The following RBM25 variants were observed in gnomAD, a reference collection of about 807,000 sequenced individuals.
The protein encoded by RBM25 is RNA binding motif protein 25.
A neutral mutation model predicts 120.7 loss-of-function variants in RBM25; 19 were observed. The ratio of observed to expected loss-of-function variants is 0.16; its 90% CI spans 0.11 to 0.23. The LOEUF is 0.23. Ranked by LOEUF, RBM25 falls within the 10% of genes least tolerant of loss-of-function variation. The pLI is 1.00. For synonymous variants in RBM25, 390 were observed against 326.7 expected (o/e 1.19, Z -2.09); for missense variants, 605 against 1,041.5 (o/e 0.58, Z 5.77).
chr14:73,103,038 C>T, intron 9 of RBM25, 154 bp from the exon 10 acceptor site: 3 of 1,450,764 alleles, frequency 2.1e-6, no homozygotes, highest in Non-Finnish European at 2.8e-6. Flanking sequence ...CTTGTGATTG[C>T]TTCAGTTTAA....
intron 17 of RBM25, among the ~76,000 whole-genome samples, 163 bp from the exon 18 acceptor site, chr14:73,114,123 C>CT (rs2140465011): frequency 6.6e-6 from 1 of 151,668 alleles, no homozygotes; most frequent in South Asian, 2.1e-4. Context: ...TTTGGTGCCT[C>CT]TTTCGTTGAA....
At chr14:73,084,291 A>AT (rs375252850) in intron 5 of RBM25, among the ~76,000 whole-genome samples, 42 of 151,942 alleles carry the variant, frequency 2.8e-4, no homozygotes, top group East Asian at 1.9e-4. Flanking sequence ...AAGTCTCCTA[A>AT]TTTTTTTTAT....
At chr14:73,102,584 C>T (rs1175157190) in intron 9 of RBM25, 1 of 152,276 alleles carries the variant, frequency 6.6e-6, no homozygotes, top group East Asian at 1.9e-4. Context: ...GATTTTCAAA[C>T]TTTTTGTATT....
chr14:73,086,240 C>A (rs1895682435), intron 5 of RBM25, among the ~76,000 whole-genome samples: 1 of 151,674 alleles, frequency 6.6e-6, no homozygotes, highest in Non-Finnish European at 1.5e-5. Flanking sequence ...GAGATCAAGA[C>A]CATCCTGGCC....
At chr14:73,078,068 C>T (rs1283454063) in intron 4 of RBM25, among the ~76,000 whole-genome samples, 1 of 152,058 alleles carries the variant, frequency 6.6e-6, no homozygotes, top group African/African-American at 2.4e-5. Flanking sequence ...TTCAGGAGGC[C>T]GAGGTGGGCA....
At chr14:73,106,406 A>G (rs1594930819) in intron 12 of RBM25, 121 bp downstream of exon 12, 2 of 808,478 alleles carry the variant, frequency 2.5e-6, no homozygotes, top group East Asian at 6.3e-5. Context: ...GTATAATTTA[A>G]TTTTTATGTA....
At position 73,114,235 on chromosome 14, in the gene RBM25, A is replaced by G. The variant is rs531958525; in HGVS notation, c.2392-51A>G. ...TCATACCTTAAAATTTCTTGACTGT[A>G]TTGTTAATTTTTTATTTATTTTTAA... is the stretch of plus-strand genomic sequence containing the variant. On this transcript the variant is annotated intron_variant, in intron 17 of 18. Transcript: ENST00000261973. 4.4e-5 allele frequency: 57 copies of G among 1,309,044 alleles called. 2 individuals are homozygous for G. In the South Asian group the frequency reaches 7.6e-4, roughly 18 times the overall value. 81.1% of individuals were successfully genotyped at this position (1,309,044 alleles called of 1,614,324 possible).
chr14:73,059,649 AAAT>A (rs1894953313), intron 1 of RBM25, among the ~76,000 whole-genome samples: 1 of 152,210 alleles, frequency 6.6e-6, no homozygotes, highest in Non-Finnish European at 1.5e-5. Context: ...AGTAATGTAT[AAAT>A]AATTTTTGTA....
chr14:73,061,772 T>C (rs535807636), intron 1 of RBM25, among the ~76,000 whole-genome samples: 3 of 151,430 alleles, frequency 2.0e-5, no homozygotes, highest in Admixed American at 6.6e-5. Context: ...TTCACCATGT[T>C]GCCCAGGCGG....
intron 4 of RBM25, among the ~76,000 whole-genome samples, chr14:73,079,111 A>G (rs1354034182): frequency 1.4e-5 from 2 of 147,230 alleles, no homozygotes; most frequent in East Asian, 1.9e-4. Flanking sequence ...GTTAAGTGAA[A>G]TAATGCTGAA....
At chr14:73,100,525 C>T (rs902859434) in intron 9 of RBM25, 26 of 446,132 alleles carry the variant, frequency 5.8e-5, no homozygotes, top group Admixed American at 1.1e-4. Context: ...TGTGAATGTT[C>T]GCTGGTGTTG....
chr14:73,074,291 C>T (rs1895360988), intron 2 of RBM25, among the ~76,000 whole-genome samples: 1 of 152,128 alleles, frequency 6.6e-6, no homozygotes, highest in African/African-American at 2.4e-5. Context: ...ATAACCATAA[C>T]TTAATGTGGC....
intron 2 of RBM25, among the ~76,000 whole-genome samples, chr14:73,072,822 G>T (rs940375262): frequency 1.3e-5 from 2 of 152,204 alleles, no homozygotes; most frequent in African/African-American, 2.4e-5. Context: ...TTTGACTTAA[G>T]AACATTGCAG....
intron 1 of RBM25, among the ~76,000 whole-genome samples, chr14:73,060,187 C>A (rs1894969046): frequency 6.6e-6 from 1 of 151,112 alleles, no homozygotes; most frequent in African/African-American, 2.4e-5. Flanking sequence ...TACAGGCGCG[C>A]GCCACCACGC....
chr14:73,090,507 C>T (rs1034305789), intron 6 of RBM25, among the ~76,000 whole-genome samples: 4 of 152,198 alleles, frequency 2.6e-5, no homozygotes, highest in Non-Finnish European at 5.9e-5. Context: ...TCCAAGCTCC[C>T]TGTTGAAATT....
At position 73,109,319 on chromosome 14, in the gene RBM25, C is replaced by A. The variant is rs771247200; in HGVS notation, c.1542-23C>A. 3.2e-5 allele frequency: 52 copies of A among 1,604,234 alleles called. No individual in the cohort carries two copies. The Admixed American group carries it at 8.1e-4, about 25-fold the overall frequency. ...TCAATGATCGGAGTATTAAATGAAG[C>A]CTTTTATCATTCACTTTTACAGAGG... On this transcript the variant is annotated intron_variant, in intron 13 of 18. Transcript: ENST00000261973.
In RBM25 at chr14:73,119,842, C is replaced by G. The variant is rs1566604855; in HGVS notation, c.*37C>G. On this transcript the variant is annotated 3_prime_UTR_variant, in exon 19 of 19. Coordinates refer to ENST00000261973, the MANE Select transcript of RBM25 (RefSeq NM_021239.3). ...TTTAGAGTTCCATTTCAGATTTCTTCTTTGCCACCCTTTTAAGGACTTTGA... is the reference window on the plus strand; with the variant it reads ...TTTAGAGTTCCATTTCAGATTTCTTGTTTGCCACCCTTTTAAGGACTTTGA... 6.3e-7 allele frequency: 1 copy of G among 1,578,146 alleles called. No individual in the cohort carries two copies. The highest frequency in any genetic ancestry group is 1.2e-5 in the South Asian group (1 of 84,372).
intron 4 of RBM25, among the ~76,000 whole-genome samples, chr14:73,079,013 A>T (rs1895492831): frequency 6.6e-6 from 1 of 152,210 alleles, no homozygotes. Flanking sequence ...TCTGAGCTTG[A>T]ATAGTAATAA....
chr14:73,103,948 T>TCTCTCTCTCTCACA (rs1594928335), intron 10 of RBM25, among the ~76,000 whole-genome samples: 10 of 91,418 alleles, frequency 1.1e-4, no homozygotes, highest in Admixed American at 2.3e-4. Context: ...TCTCTCTCTC[T>TCTCTCTCTCTCACA]CACACACACA....
Sources: gnomAD v4.1 joint callset for allele counts (sites outside exome capture counted in the v4.1 genomes callset) on GRCh38, gnomAD v4.1.1 for gene constraint, MANE v1.5 for transcripts, NCBI Gene and HGNC (gene_info 2026-07-23, HGNC 2026-07-21) for gene names.